Variants in EDIL3 observed in about 807,000 individuals in gnomAD.
The protein encoded by EDIL3 is EGF like and discoidin domains 3.
EDIL3 carries 37 observed loss-of-function variants against 67.4 expected under a neutral mutation model. The ratio of observed to expected loss-of-function variants is 0.55; its 90% CI spans 0.42 to 0.72. The LOEUF (loss-of-function observed/expected upper bound fraction) is 0.72, where lower values mean the gene tolerates loss of function less well. Among genes scored for constraint, EDIL3 ranks in the 30% least tolerant of loss-of-function variants. EDIL3 has a pLI of 0.00. For missense variants in EDIL3, 527 were observed against 586.3 expected (o/e 0.90, Z 1.04); for synonymous variants, 195 against 196.3 (o/e 0.99, Z 0.05).
intron 9 of EDIL3, among the ~76,000 whole-genome samples, chr5:84,053,266 C>T (rs1206522683): frequency 6.6e-6 from 1 of 152,266 alleles, no homozygotes; most frequent in African/African-American, 2.4e-5. Flanking sequence ...CCAATGAGAA[C>T]AAAGACACAA....
chr5:83,986,878 T>C (rs544256910), intron 9 of EDIL3, among the ~76,000 whole-genome samples: 2 of 152,184 alleles, frequency 1.3e-5, no homozygotes, highest in African/African-American at 4.8e-5. Context: ...AATTTCCATG[T>C]GGCTGGAGCA....
chr5:84,180,615 G>T (rs961374335), intron 3 of EDIL3, 94 bp from the exon 4 acceptor site: 90 of 1,350,152 alleles, frequency 6.7e-5, no homozygotes, highest in Non-Finnish European at 8.7e-5. Flanking sequence ...ACAGAAAAAA[G>T]TGTTCTAGAT....
chr5:83,955,791 G>A (rs1395211471), intron 10 of EDIL3, among the ~76,000 whole-genome samples: 1 of 151,704 alleles, frequency 6.6e-6, no homozygotes, highest in African/African-American at 2.4e-5. Flanking sequence ...TTCTGCTTTT[G>A]CTCTTTTGTC....
chr5:84,037,184 A>G (rs1442085327), intron 9 of EDIL3, among the ~76,000 whole-genome samples: 1 of 151,920 alleles, frequency 6.6e-6, no homozygotes, highest in East Asian at 1.9e-4. Context: ...ACCCACACTC[A>G]CTCATTATCT....
At chr5:84,095,746 G>A (rs1747250434) in intron 6 of EDIL3, among the ~76,000 whole-genome samples, 1 of 152,186 alleles carries the variant, frequency 6.6e-6, no homozygotes, top group Non-Finnish European at 1.5e-5. Flanking sequence ...CCCATTTTCT[G>A]AGGAGAAATT....
chr5:84,232,359 AT>A, intron 2 of EDIL3, among the ~76,000 whole-genome samples: 1 of 151,808 alleles, frequency 6.6e-6, no homozygotes. Context: ...GGCAGCTGAG[AT>A]CCTGACTGGT....
chr5:84,049,244 T>C (rs559717356), intron 9 of EDIL3, among the ~76,000 whole-genome samples: 1 of 152,292 alleles, frequency 6.6e-6, no homozygotes, highest in African/African-American at 2.4e-5. Flanking sequence ...CAATGTATTA[T>C]TTTACATTTC....
chr5:84,261,968 A>G (rs946808376), intron 1 of EDIL3, among the ~76,000 whole-genome samples: 4 of 152,224 alleles, frequency 2.6e-5, no homozygotes, highest in African/African-American at 9.6e-5. Context: ...TGAATTTCAC[A>G]GCTGATGACA....
intron 3 of EDIL3, among the ~76,000 whole-genome samples, chr5:84,207,070 A>G (rs1457888629): frequency 2.6e-5 from 4 of 152,304 alleles, no homozygotes; most frequent in Non-Finnish European, 4.4e-5. Flanking sequence ...AGAAGGAAAT[A>G]AAGTGTATTC....
chr5:83,959,969 T>C (rs1393573259), intron 10 of EDIL3, among the ~76,000 whole-genome samples: 1 of 150,996 alleles, frequency 6.6e-6, no homozygotes, highest in Non-Finnish European at 1.5e-5. Flanking sequence ...TTCTTTTCTA[T>C]GTAAAAATGG....
chr5:84,292,287 G>A (rs541379413), intron 1 of EDIL3, among the ~76,000 whole-genome samples: 6 of 152,166 alleles, frequency 3.9e-5, no homozygotes, highest in Admixed American at 2.0e-4. Context: ...TAACACTGAT[G>A]ATTTTTTTTA....
intron 4 of EDIL3, among the ~76,000 whole-genome samples, chr5:84,179,192 T>C (rs1179777402): frequency 6.6e-6 from 1 of 152,072 alleles, no homozygotes; most frequent in Non-Finnish European, 1.5e-5. Flanking sequence ...CTCCTGAGAT[T>C]CTGGGCTCCT....
At chr5:84,068,318 T>G (rs1441359809) in intron 6 of EDIL3, among the ~76,000 whole-genome samples, 1 of 152,164 alleles carries the variant, frequency 6.6e-6, no homozygotes, top group Non-Finnish European at 1.5e-5. Context: ...TGAATCATGT[T>G]TTCTCCCATT....
chr5:84,249,202 T>G (rs983270296), intron 2 of EDIL3, among the ~76,000 whole-genome samples: 3 of 152,164 alleles, frequency 2.0e-5, no homozygotes, highest in Admixed American at 6.5e-5. Context: ...GAATAGGTTT[T>G]GTTGTTTGTT....
rs371633998 is a variant in EDIL3, at chr5:84,054,502, G to A, written c.1137+5798C>T. Among the ~76,000 whole-genome samples the A allele has an allele frequency of 7.9e-5, 12 of 152,064 alleles. No homozygotes were observed. The East Asian group carries it at 1.4e-3, about 17-fold the overall frequency. On this transcript the variant is annotated intron_variant, in intron 9 of 10. Transcript: ENST00000296591. ...AGAAATAAAGGGTATTCAATTAGGA[G>A]AAGAGGAAGTCAAATTGTCCCTGTT...
At chr5:84,106,544 C>A in intron 6 of EDIL3, 105 bp downstream of exon 6, 2 of 1,353,312 alleles carry the variant, frequency 1.5e-6, no homozygotes, top group Non-Finnish European at 2.0e-6. Flanking sequence ...TTCCTCTGAC[C>A]ATAAGGAAGA....
intron 5 of EDIL3, among the ~76,000 whole-genome samples, chr5:84,119,428 G>A (rs1266463674): frequency 6.6e-6 from 1 of 151,794 alleles, no homozygotes; most frequent in Non-Finnish European, 1.5e-5. Context: ...TGTCACCAAA[G>A]CATTCAAATT....
chr5:84,117,698 T>G (rs1051163703), intron 5 of EDIL3, among the ~76,000 whole-genome samples: 15 of 152,150 alleles, frequency 9.9e-5, no homozygotes, highest in Admixed American at 6.5e-4. Flanking sequence ...CCTTAAGCTT[T>G]TAAAGAAAAG....
chr5:84,123,866 C>T (rs905743137), intron 5 of EDIL3, among the ~76,000 whole-genome samples: 1 of 151,878 alleles, frequency 6.6e-6, no homozygotes, highest in Admixed American at 6.6e-5. Flanking sequence ...TTTTTACTTA[C>T]ATGTTGTTAA....
Sources: allele counts gnomAD v4.1 joint callset (sites outside exome capture counted in the v4.1 genomes callset), GRCh38; gene constraint gnomAD v4.1.1; transcripts MANE v1.5; gene names NCBI Gene and HGNC (gene_info 2026-07-23, HGNC 2026-07-21).